The following RTKN2 variants were observed in gnomAD, a reference collection of about 807,000 sequenced individuals.
RTKN2 encodes the protein rhotekin 2, also known as rhotekin-2.
In RTKN2, 69 loss-of-function variants were observed where a neutral mutation model predicts 71.5. That is an observed-to-expected ratio of 0.96 (90% CI 0.79 to 1.18). RTKN2 has a LOEUF of 1.18. Among genes scored for constraint, RTKN2 ranks in the 50% most tolerant of loss-of-function variants. RTKN2 has a pLI of 0.00. For synonymous variants in RTKN2, 236 were observed against 236.5 expected (o/e 1.00, Z 0.02); for missense variants, 724 against 719.7 (o/e 1.01, Z -0.07).
At chr10:62,264,877 CAGCTAGGGT>C (rs572192359) in intron 1 of RTKN2, among the ~76,000 whole-genome samples, 13 of 150,860 alleles carry the variant, frequency 8.6e-5, no homozygotes, top group Middle Eastern at 3.4e-3. Flanking sequence ...ATTCAATGGT[CAGCTAGGGT>C]AGAGAAGCAC....
intron 9 of RTKN2, among the ~76,000 whole-genome samples, chr10:62,213,777 G>C (rs976848133): frequency 1.3e-5 from 2 of 151,970 alleles, no homozygotes; most frequent in Non-Finnish European, 2.9e-5. Context: ...CTGAGTCTAG[G>C]TGGTATGTAT....
intron 2 of RTKN2, among the ~76,000 whole-genome samples, chr10:62,248,096 T>C (rs1171170688): frequency 6.6e-6 from 1 of 152,102 alleles, no homozygotes; most frequent in Non-Finnish European, 1.5e-5. Context: ...CTCAACTACC[T>C]GGCAGAGTAT....
intron 2 of RTKN2, among the ~76,000 whole-genome samples, chr10:62,257,816 A>G (rs1191861001): frequency 1.3e-5 from 2 of 152,184 alleles, no homozygotes; most frequent in Non-Finnish European, 2.9e-5. Flanking sequence ...AAATTAACAG[A>G]CTGCTATAAC....
chr10:62,194,387 A>T lies in RTKN2; in HGVS notation c.*3521T>A. On this transcript the variant is annotated 3_prime_UTR_variant, in exon 12 of 12. Coordinates refer to ENST00000373789, the MANE Select transcript of RTKN2 (RefSeq NM_145307.4). Reference sequence around the variant, plus strand: ...TGATGCCTTTGAAATGTAAGGGGAAAATGTCAACTTTACATTATAATTTAA... The same window carrying T: ...TGATGCCTTTGAAATGTAAGGGGAATATGTCAACTTTACATTATAATTTAA... 1.0e-6 allele frequency: 1 copy of T among 983,358 alleles called. No individual in the cohort carries two copies. Among genetic ancestry groups the T allele is most frequent in the Middle Eastern group, 5.2e-4 (1 of 1,912 alleles). The allele number at this position is 983,358 out of a possible 1,614,324, so 60.9% of individuals were successfully genotyped here.
chr10:62,217,150 CT>C lies in RTKN2; in HGVS notation c.987del (p.Val330TrpfsTer6). 6.3e-7 allele frequency: 1 copy of C among 1,581,278 alleles called. No homozygotes were observed. The highest frequency in any genetic ancestry group is 2.3e-5 in the East Asian group (1 of 44,306). ...ATGGGTACTACCAAAGCTGGTTCCA[CT>C]TTAGCTTCAATTTCCTCTGGACTGT... The part of the protein sequence containing the change: ...CFYSPEEIEA[K>X]VEPALVVPIN... On this transcript the variant is annotated frameshift_variant, in exon 9 of 12. Transcript: ENST00000373789. LOFTEE classifies it high-confidence loss of function.
At chr10:62,236,325 T>C (rs1391268972) in intron 5 of RTKN2, 62 bp from the exon 6 acceptor site, 1 of 1,061,426 alleles carries the variant, frequency 9.4e-7, no homozygotes, top group African/African-American at 1.6e-5. Context: ...AATTATACCA[T>C]TCTTTTATGT....
At chr10:62,248,455 A>C (rs1238623628) in intron 2 of RTKN2, among the ~76,000 whole-genome samples, 2 of 152,174 alleles carry the variant, frequency 1.3e-5, no homozygotes, top group Non-Finnish European at 2.9e-5. Context: ...TACTTGTTCA[A>C]AAATCTGCAA....
Position 62,195,971 on chromosome 10 carries a change from T to C in RTKN2, c.*1937A>G, listed in dbSNP as rs1841323395. 1 of 985,096 alleles carries C rather than the reference T, an allele frequency of 1.0e-6. No individual in the cohort carries two copies. The highest frequency in any genetic ancestry group is 1.2e-6 in the Non-Finnish European group (1 of 829,714). 61.0% of individuals were successfully genotyped at this position (985,096 alleles called of 1,614,324 possible). A position where few individuals can be genotyped will look rare whatever the true frequency, so the allele number is the denominator to read the frequency against. ...ACCTTAAGTCCTTCCTGCTGTTATC[T>C]GCATGAGGAAAAATGACAAGAATAT... On this transcript the variant is annotated 3_prime_UTR_variant, in exon 12 of 12. Coordinates refer to ENST00000373789, the MANE Select transcript of RTKN2 (RefSeq NM_145307.4).
chr10:62,196,079 A>G lies in RTKN2; in HGVS notation c.*1829T>C, dbSNP rs1841325694. ...AAAGAATGCTTAGATGCCAGCTTCA[A>G]AACAATTTTCCCTGCAGCATCTTCT... On this transcript the variant is annotated 3_prime_UTR_variant, in exon 12 of 12. Coordinates refer to ENST00000373789, the MANE Select transcript of RTKN2 (RefSeq NM_145307.4). 1 of 985,308 alleles carries G rather than the reference A, an allele frequency of 1.0e-6. No individual in the cohort carries two copies. Among genetic ancestry groups the G allele is most frequent in the South Asian group, 4.7e-5 (1 of 21,286 alleles). 61.0% of individuals were successfully genotyped at this position (985,308 alleles called of 1,614,324 possible).
chr10:62,223,195 T>C lies in RTKN2; in HGVS notation c.781+43A>G, dbSNP rs200768758. ...GGGGAACATACTATAATTAGAAATATAGACAGAATATATGTAATAAGTAAA... is the reference window on the plus strand; with the variant it reads ...GGGGAACATACTATAATTAGAAATACAGACAGAATATATGTAATAAGTAAA... On this transcript the variant is annotated intron_variant, in intron 7 of 11. Transcript: ENST00000373789. 5.0e-5 allele frequency: 56 copies of C among 1,113,390 alleles called. No homozygotes were observed. In the Admixed American group the frequency reaches 5.6e-4, roughly 11 times the overall value. The allele number at this position is 1,113,390 out of a possible 1,614,324, so 69.0% of individuals were successfully genotyped here.
Position 62,197,089 on chromosome 10 carries a change from CT to C in RTKN2, c.*818del. 2 of 979,746 alleles carry C rather than the reference CT, an allele frequency of 2.0e-6. No individual in the cohort carries two copies. Among genetic ancestry groups the C allele is most frequent in the Non-Finnish European group, 2.4e-6 (2 of 824,826 alleles). 60.7% of individuals were successfully genotyped at this position (979,746 alleles called of 1,614,324 possible). On this transcript the variant is annotated 3_prime_UTR_variant, in exon 12 of 12. Transcript: ENST00000373789. ...CTGATATTTTTGAATCTCTCATCTTCTTTTTAAATAAGTATTAAATGAATTT... is the reference window on the plus strand; with the variant it reads ...CTGATATTTTTGAATCTCTCATCTTCTTTTAAATAAGTATTAAATGAATTT...
chr10:62,188,951 TG>T (rs1841177906), downstream of RTKN2, among the ~76,000 whole-genome samples: 1 of 151,892 alleles, frequency 6.6e-6, no homozygotes, highest in African/African-American at 2.4e-5. Flanking sequence ...GGATTCACCA[TG>T]CTAGCCAGGA....
chr10:62,192,738 C>A (rs1841242650), downstream of RTKN2, among the ~76,000 whole-genome samples: 1 of 152,044 alleles, frequency 6.6e-6, no homozygotes, highest in South Asian at 2.1e-4. Context: ...TAAGAGTGAC[C>A]CCTAGCCAAC....
intron 1 of RTKN2, among the ~76,000 whole-genome samples, chr10:62,267,902 A>G (rs1406228444): frequency 6.6e-6 from 1 of 152,236 alleles, no homozygotes; most frequent in Admixed American, 6.5e-5. Flanking sequence ...CCAAGAAATA[A>G]TGTTGGTTTA....
At chr10:62,267,161 G>A (rs951576953) in intron 1 of RTKN2, among the ~76,000 whole-genome samples, 1 of 152,186 alleles carries the variant, frequency 6.6e-6, no homozygotes, top group Non-Finnish European at 1.5e-5. Flanking sequence ...AATCCAAACT[G>A]AGGAAGTAAT....
Position 62,199,871 on chromosome 10 carries a change from A to C in RTKN2, c.1187-10T>G, listed in dbSNP as rs776392601. On this transcript the variant is annotated splice_polypyrimidine_tract_variant and intron_variant, in intron 10 of 11. Transcript: ENST00000373789. ...CAGTGCTTCCATTGGCCTAAGACAG[A>C]CAGAAAAAAGGTAGACTAGTTTAAA... is the stretch of plus-strand genomic sequence containing the variant. 3 of 1,558,408 alleles carry C rather than the reference A, an allele frequency of 1.9e-6. No individual in the cohort carries two copies. The South Asian group carries it at 3.4e-5, about 17-fold the overall frequency.
At chr10:62,244,563 C>T (rs573046230) in intron 3 of RTKN2, among the ~76,000 whole-genome samples, 70 of 152,098 alleles carry the variant, frequency 4.6e-4, no homozygotes, top group African/African-American at 1.6e-3. Flanking sequence ...CATTTATATA[C>T]TGAGTGACAC....
rs1216932585 is a variant in RTKN2, at chr10:62,268,740, C to A, written c.-130G>T. 3 of 956,644 alleles carry A rather than the reference C, an allele frequency of 3.1e-6. No homozygotes were observed. Among genetic ancestry groups the A allele is most frequent in the African/African-American group, 3.4e-5 (2 of 58,578 alleles). The allele number at this position is 956,644 out of a possible 1,614,324, so 59.3% of individuals were successfully genotyped here. Reference sequence around the variant, plus strand: ...AAGTCCCAGTCGCAGGGGCCGGGGGCGCAGGAGGAGCCGGGCCGAAGCGCA... The same window carrying A: ...AAGTCCCAGTCGCAGGGGCCGGGGGAGCAGGAGGAGCCGGGCCGAAGCGCA... On this transcript the variant is annotated 5_prime_UTR_variant, in exon 1 of 12. Coordinates refer to ENST00000373789, the MANE Select transcript of RTKN2 (RefSeq NM_145307.4).
chr10:62,204,979 A>G lies in RTKN2; in HGVS notation c.1064T>C (p.Ile355Thr). The change falls in exon 10 of 12, where the codon ATC (isoleucine) becomes ACC (threonine). Residue 355 changes from isoleucine to threonine, a missense_variant. Ile to Thr is a moderately conservative substitution (Grantham distance 89, BLOSUM62 -1). Transcript: ENST00000373789. The part of the protein sequence containing the change: ...RAMDKDAKKR[I>T]HNFSVINPVP... Reference sequence around the variant, plus strand: ...AGGATTGATGACAGAGAAATTATGGATTCTTTTCTTGGCATCCTTATCCAT... The same window carrying G: ...AGGATTGATGACAGAGAAATTATGGGTTCTTTTCTTGGCATCCTTATCCAT... 6.3e-7 allele frequency: 1 copy of G among 1,598,526 alleles called. No homozygotes were observed. Among genetic ancestry groups the G allele is most frequent in the South Asian group, 1.2e-5 (1 of 86,330 alleles).
Sources: allele counts gnomAD v4.1 joint callset (sites outside exome capture counted in the v4.1 genomes callset), GRCh38; gene constraint gnomAD v4.1.1; transcripts MANE v1.5; gene names NCBI Gene and HGNC (gene_info 2026-07-23, HGNC 2026-07-21).